The following USP6NL variants were observed in gnomAD, a reference collection of about 807,000 sequenced individuals.
The protein encoded by USP6NL is USP6 N-terminal like, also known as USP6 N-terminal-like protein.
In USP6NL, 26 loss-of-function variants were observed where a neutral mutation model predicts 61.9. That is an observed-to-expected ratio of 0.42 (90% CI 0.31 to 0.58). The LOEUF is 0.58. USP6NL is among the 20% of genes least tolerant of loss of function. The pLI, the probability that USP6NL is intolerant of heterozygous loss-of-function variation, is 0.16. For missense variants in USP6NL, 1,114 were observed against 1,034.3 expected (o/e 1.08, Z -1.06); for synonymous variants, 432 against 390.1 (o/e 1.11, Z -1.27).
chr10:11,501,984 C>T (rs923525137), intron 6 of USP6NL, among the ~76,000 whole-genome samples: 4 of 152,310 alleles, frequency 2.6e-5, no homozygotes, highest in South Asian at 2.1e-4. Context: ...ATCAGCTGGG[C>T]GCAGTGGCTC....
rs1243600924 is a variant in USP6NL, at chr10:11,474,186, G to T, written c.1078+7584C>A. On this transcript the variant is annotated intron_variant, in intron 14 of 14. Coordinates refer to ENST00000609104, the MANE Select transcript of USP6NL (RefSeq NM_014688.5). The surrounding 1 kb of genome is among the most constrained non-coding windows in gnomAD (Gnocchi z 4.9). ...TTAATTCTGTAGTTTTTTGCATTAA[G>T]GAATCTGTTTGTATTTAGAATTTTC... Among the ~76,000 whole-genome samples, 1 of 152,146 alleles carries T rather than the reference G, an allele frequency of 6.6e-6. No individual in the cohort carries two copies. Among genetic ancestry groups the T allele is most frequent in the Non-Finnish European group, 1.5e-5 (1 of 68,010 alleles).
At chr10:11,547,134 C>A (rs1000594526) in intron 2 of USP6NL, among the ~76,000 whole-genome samples, 7 of 152,142 alleles carry the variant, frequency 4.6e-5, no homozygotes, top group African/African-American at 1.7e-4. Context: ...AAGTCACAAC[C>A]TGCACAAGTT....
At chr10:11,584,145 G>C (rs1295651523) in intron 2 of USP6NL, among the ~76,000 whole-genome samples, 1 of 151,898 alleles carries the variant, frequency 6.6e-6, no homozygotes, top group Non-Finnish European at 1.5e-5. Context: ...TTGAGCCCAG[G>C]AAGAATTTCA....
chr10:11,460,623 GCATATATATA>G lies in USP6NL; in HGVS notation c.*1808_*1817del, dbSNP rs1566103787. 7 of 75,560 alleles carry G rather than the reference GCATATATATA, an allele frequency of 9.3e-5. No homozygotes were observed. The South Asian group carries it at 3.4e-3, about 37-fold the overall frequency. The allele number at this position is 75,560 out of a possible 1,614,324, so 4.7% of individuals were successfully genotyped here. On this transcript the variant is annotated 3_prime_UTR_variant, in exon 15 of 15. Coordinates refer to ENST00000609104, the MANE Select transcript of USP6NL (RefSeq NM_014688.5). ...GCTTGTGTGTATATATATATTTTTT[GCATATATATA>G]TATATATATATATATATATATAAAA...
At chr10:11,580,629 C>T (rs771381643) in intron 2 of USP6NL, among the ~76,000 whole-genome samples, 2 of 152,168 alleles carry the variant, frequency 1.3e-5, no homozygotes, top group African/African-American at 2.4e-5. Flanking sequence ...CTGAACCCAT[C>T]CACAGGGACT....
In USP6NL at chr10:11,537,547, G is replaced by A. The variant is rs10508425; in HGVS notation, c.5-9980C>T. Among the ~76,000 whole-genome samples the A allele has an allele frequency of 0.23, 35,374 of 151,986 alleles. 4,661 individuals are homozygous for A. The highest frequency in any genetic ancestry group is 0.59 in the East Asian group (3,027 of 5,172). On this transcript the variant is annotated intron_variant, in intron 2 of 14. Transcript: ENST00000609104. The surrounding 1 kb of genome is among the most constrained non-coding windows in gnomAD (Gnocchi z 5.1). ...TACCTTCCCATTCAAAATATTTCTC[G>A]TATCACCAATAGCATTATTACCATT...
At chr10:11,547,776 G>A (rs935725027) in intron 2 of USP6NL, among the ~76,000 whole-genome samples, 4 of 151,990 alleles carry the variant, frequency 2.6e-5, no homozygotes, top group East Asian at 1.9e-4. Context: ...TCCTGACCTC[G>A]TGATCCGCCC....
chr10:11,467,914 G>A (rs1259463489), intron 14 of USP6NL, among the ~76,000 whole-genome samples: 2 of 152,204 alleles, frequency 1.3e-5, no homozygotes, highest in African/African-American at 4.8e-5. Flanking sequence ...ACATAAATCT[G>A]CAGTTTTGGT....
chr10:11,570,833 AAG>A (rs1459363031), intron 2 of USP6NL, among the ~76,000 whole-genome samples: 1 of 152,162 alleles, frequency 6.6e-6, no homozygotes, highest in East Asian at 1.9e-4. Context: ...AGGACATTTG[AAG>A]GGAAAACGGT....
chr10:11,537,777 A>C lies in USP6NL; in HGVS notation c.5-10210T>G, dbSNP rs1053480632. The stretch of plus-strand genomic sequence containing the variant: ...GCCGGGGTGGAAGGACCAGGCACAC[A>C]CACTGCACCTGCTGGCCTCTGGGTG... On this transcript the variant is annotated intron_variant, in intron 2 of 14. Transcript: ENST00000609104. This position sits in a 1 kb window ranked among gnomAD's most constrained non-coding sequence, Gnocchi z 5.1. 1.3e-5 allele frequency among the ~76,000 whole-genome samples: 2 copies of C among 152,168 alleles called. No individual in the cohort carries two copies. Among genetic ancestry groups the C allele is most frequent in the African/African-American group, 4.8e-5 (2 of 41,436 alleles).
intron 2 of USP6NL, among the ~76,000 whole-genome samples, chr10:11,582,956 C>T (rs1052701118): frequency 1.4e-5 from 2 of 148,146 alleles, no homozygotes; most frequent in African/African-American, 5.0e-5. Context: ...AGGTACCATG[C>T]GAATTGCTGT....
chr10:11,563,004 A>T (rs1257381944), intron 2 of USP6NL, among the ~76,000 whole-genome samples: 1 of 151,880 alleles, frequency 6.6e-6, no homozygotes, highest in African/African-American at 2.4e-5. Flanking sequence ...AAAAAATAAA[A>T]AATAAAATAA....
At chr10:11,497,424 A>AG (rs1833983144) in intron 7 of USP6NL, among the ~76,000 whole-genome samples, 1 of 151,570 alleles carries the variant, frequency 6.6e-6, no homozygotes, top group South Asian at 2.1e-4. Flanking sequence ...AAAAAAAAAA[A>AG]AAAGAAAGAA....
intron 2 of USP6NL, among the ~76,000 whole-genome samples, chr10:11,552,365 C>T (rs1486631142): frequency 6.6e-6 from 1 of 152,206 alleles, no homozygotes; most frequent in African/African-American, 2.4e-5. Flanking sequence ...ACAGATACTA[C>T]CCTAAGTCCT....
At chr10:11,569,972 T>G (rs1837300213) in intron 2 of USP6NL, among the ~76,000 whole-genome samples, 2 of 152,218 alleles carry the variant, frequency 1.3e-5, no homozygotes, top group African/African-American at 2.4e-5. Flanking sequence ...AATTTGCAGC[T>G]TTCCCAACAC....
chr10:11,565,898 A>C (rs1308211450), intron 2 of USP6NL, among the ~76,000 whole-genome samples: 4 of 150,520 alleles, frequency 2.7e-5, no homozygotes, highest in African/African-American at 9.8e-5. Context: ...TATTAATAGC[A>C]ATACTGATTG....
At chr10:11,477,340 G>A (rs1833009873) in intron 14 of USP6NL, among the ~76,000 whole-genome samples, 1 of 152,148 alleles carries the variant, frequency 6.6e-6, no homozygotes, top group Non-Finnish European at 1.5e-5. Context: ...ATGTAGGATT[G>A]TTACAGATAT....
In USP6NL at chr10:11,462,539, C is replaced by A. The variant is rs1157401983; in HGVS notation, c.2389G>T (p.Ala797Ser). ...RYKASPAAEDASPSGYPYSGP... is the reference protein window; with the variant it reads ...RYKASPAAEDSSPSGYPYSGP... ...GAATATGGATATCCAGATGGACTGG[C>A]ATCTTCTGCGGCCGGTGAAGCTTTA... Residue 797 changes from alanine to serine, a missense_variant, in exon 15 of 15, where the codon GCC becomes TCC. Transcript: ENST00000609104. The A allele has an allele frequency of 4.3e-6, 7 of 1,614,020 alleles. No homozygotes were observed. The highest frequency in any genetic ancestry group is 1.3e-5 in the African/African-American group (1 of 75,042).
At position 11,509,561 on chromosome 10, in the gene USP6NL, T is replaced by C. The variant is rs749381484; in HGVS notation, c.276+34A>G. 48 of 1,461,714 alleles carry C rather than the reference T, an allele frequency of 3.3e-5. 2 individuals are homozygous for C. The South Asian group carries it at 6.1e-4, about 19-fold the overall frequency. 90.5% of individuals were successfully genotyped at this position (1,461,714 alleles called of 1,614,324 possible). On this transcript the variant is annotated intron_variant, in intron 6 of 14. Coordinates refer to ENST00000609104, the MANE Select transcript of USP6NL (RefSeq NM_014688.5). ...TATGAAAATCCACATTGAGTTTATATAGTTTCATATGGAAAAACATGATTT... is the reference window on the plus strand; with the variant it reads ...TATGAAAATCCACATTGAGTTTATACAGTTTCATATGGAAAAACATGATTT...
Sources: gnomAD v4.1 joint callset for allele counts (sites outside exome capture counted in the v4.1 genomes callset) on GRCh38, gnomAD v4.1.1 for gene constraint, Gnocchi (gnomAD v3.1) non-coding constraint, MANE v1.5 for transcripts, NCBI Gene and HGNC (gene_info 2026-07-23, HGNC 2026-07-21) for gene names.